Variants in EIF4H observed in about 807,000 individuals in gnomAD.
EIF4H encodes eukaryotic translation initiation factor 4H, also known as Williams-Beuren syndrome chromosome region 1.
EIF4H carries 8 observed loss-of-function variants against 30.6 expected under a neutral mutation model. That is an observed-to-expected ratio of 0.26 (90% confidence interval 0.15 to 0.47). The LOEUF (loss-of-function observed/expected upper bound fraction) is 0.47, where lower values mean the gene tolerates loss of function less well. Among genes scored for constraint, EIF4H ranks in the 20% least tolerant of loss-of-function variants. The pLI is 0.99. For missense variants in EIF4H, 188 were observed against 339.5 expected, an observed-to-expected ratio of 0.55 and a Z score of 3.51; for synonymous variants, 106 against 122.7, an observed-to-expected ratio of 0.86 and a Z score of 0.90.
At chr7:74,188,513 C>T (rs1024443293) in intron 2 of EIF4H, among the ~76,000 whole-genome samples, 1 of 152,004 alleles carries the variant, frequency 6.6e-6, no homozygotes, top group African/African-American at 2.4e-5. Flanking sequence ...TGCCAGCAGT[C>T]GAGAAGGCCT....
chr7:74,185,240 G>A (rs961407349), intron 1 of EIF4H, among the ~76,000 whole-genome samples: 6 of 152,024 alleles, frequency 3.9e-5, no homozygotes, highest in Non-Finnish European at 5.9e-5. Context: ...TGATCCTCCC[G>A]CCTCAGCCTC....
rs1489310879 is a variant in EIF4H, at chr7:74,196,602, G to A, written c.*1294G>A. On this transcript the variant is annotated 3_prime_UTR_variant, in exon 7 of 7. Coordinates refer to ENST00000265753, the MANE Select transcript of EIF4H (RefSeq NM_022170.2). The stretch of plus-strand genomic sequence containing the variant: ...CAAGTCCCAGTCTGTCCTATGGGGA[G>A]CAGTTTGGGGGCGGCCGGCAGCAGG... 1.3e-5 allele frequency: 2 copies of A among 151,810 alleles called. No individual in the cohort carries two copies. Among genetic ancestry groups the A allele is most frequent in the Admixed American group, 1.3e-4 (2 of 15,222 alleles). 9.4% of individuals were successfully genotyped at this position (151,810 alleles called of 1,614,324 possible). A position where few individuals can be genotyped will look rare whatever the true frequency, so the allele number is the denominator to read the frequency against.
rs1445020779 is a variant in EIF4H at position 74,190,316 on chromosome 7, T to G, written c.469+10T>G. ...GATGACTTCAATTCTGGTATCAGTA[T>G]TTAAAGTATCACCACTTAATTTTTC... On this transcript the variant is annotated intron_variant, in intron 5 of 6. Coordinates refer to ENST00000265753, the MANE Select transcript of EIF4H (RefSeq NM_022170.2). 9 of 1,613,446 alleles carry G rather than the reference T, an allele frequency of 5.6e-6. No homozygotes were observed. The highest frequency in any genetic ancestry group is 1.3e-5 in the African/African-American group (1 of 74,934).
intron 1 of EIF4H, among the ~76,000 whole-genome samples, chr7:74,180,808 G>A (rs918222019): frequency 6.6e-6 from 1 of 152,254 alleles, no homozygotes; most frequent in Non-Finnish European, 1.5e-5. Context: ...CTGAGTGGAA[G>A]AAAGGTGTGG....
At position 74,193,949 on chromosome 7, in the gene EIF4H, A is replaced by C. The variant is rs577867302; in HGVS notation, c.470-792A>C. Among the ~76,000 whole-genome samples the C allele has an allele frequency of 1.2e-4, 18 of 152,304 alleles. 1 individual carries two copies. The South Asian group carries it at 3.7e-3, about 32-fold the overall frequency. The stretch of plus-strand genomic sequence containing the variant: ...GTTATACAGTTAAAGTTTAGCTTTC[A>C]CTGAAGTACAAGCCTGAAGGCCCCT... On this transcript the variant is annotated intron_variant, in intron 5 of 6. Coordinates refer to ENST00000265753, the MANE Select transcript of EIF4H (RefSeq NM_022170.2).
chr7:74,183,041 A>AC (rs1800998287), intron 1 of EIF4H, among the ~76,000 whole-genome samples: 1 of 152,150 alleles, frequency 6.6e-6, no homozygotes, highest in Admixed American at 6.6e-5. Flanking sequence ...GAGGGCAGAA[A>AC]CCGAGTCTTA....
At chr7:74,178,989 C>A (rs1288322304) in intron 1 of EIF4H, among the ~76,000 whole-genome samples, 1 of 152,194 alleles carries the variant, frequency 6.6e-6, no homozygotes, top group Admixed American at 6.5e-5. Flanking sequence ...CCGTCACCTC[C>A]CTTTGTTCTG....
At chr7:74,181,385 G>A (rs913751621) in intron 1 of EIF4H, among the ~76,000 whole-genome samples, 3 of 151,824 alleles carry the variant, frequency 2.0e-5, no homozygotes, top group African/African-American at 4.8e-5. Flanking sequence ...TATGGCTACC[G>A]TAGTAGATGT....
At chr7:74,181,480 G>A (rs566641719) in intron 1 of EIF4H, among the ~76,000 whole-genome samples, 37 of 152,170 alleles carry the variant, frequency 2.4e-4, no homozygotes, top group Non-Finnish European at 5.1e-4. Flanking sequence ...TGCCCAGGCT[G>A]GAATGCAGTG....
At chr7:74,175,475 A>T (rs1321886300) in intron 1 of EIF4H, among the ~76,000 whole-genome samples, 1 of 152,140 alleles carries the variant, frequency 6.6e-6, no homozygotes, top group Non-Finnish European at 1.5e-5. Context: ...GTAAAGAATG[A>T]TCACTTTTAA....
At chr7:74,194,916 G>A in intron 6 of EIF4H, 38 bp downstream of exon 6, 2 of 1,564,986 alleles carry the variant, frequency 1.3e-6, no homozygotes, top group Non-Finnish European at 8.7e-7. Context: ...ATCTTGTCCT[G>A]ATGGGATGAT....
Position 74,178,417 on chromosome 7 carries a change from A to G in EIF4H, c.59+3975A>G, listed in dbSNP as rs189241202. 4.3e-3 allele frequency among the ~76,000 whole-genome samples: 650 copies of G among 151,900 alleles called. 2 individuals are homozygous for G. Among genetic ancestry groups the G allele is most frequent in the Middle Eastern group, 6.8e-3 (2 of 292 alleles). ...ATACAAAACGGGTGTGGCGGCACAT[A>G]CCTGTAATCCTAGCTACTTGGGAGG... On this transcript the variant is annotated intron_variant, in intron 1 of 6. Coordinates refer to ENST00000265753, the MANE Select transcript of EIF4H (RefSeq NM_022170.2).
chr7:74,193,229 A>C (rs1801264918), intron 5 of EIF4H, among the ~76,000 whole-genome samples: 1 of 152,220 alleles, frequency 6.6e-6, no homozygotes, highest in South Asian at 2.1e-4. Context: ...AAAAAGCCCA[A>C]AGGGCAAAAC....
At chr7:74,186,064 A>G (rs1424161440) in intron 1 of EIF4H, among the ~76,000 whole-genome samples, 1 of 152,070 alleles carries the variant, frequency 6.6e-6, no homozygotes, top group African/African-American at 2.4e-5. Flanking sequence ...TGTTTGCTGA[A>G]TCCTTGCTGT....
intron 2 of EIF4H, among the ~76,000 whole-genome samples, chr7:74,188,074 GT>G (rs1801127666): frequency 6.6e-6 from 1 of 152,328 alleles, no homozygotes; most frequent in Non-Finnish European, 1.5e-5. Flanking sequence ...CTGTCTGCCA[GT>G]AAAGGAGTTC....
In EIF4H at chr7:74,194,805, C is replaced by T. The variant is rs1554710459; in HGVS notation, c.534C>T (p.Pro178=). The T allele has an allele frequency of 1.2e-6, 2 of 1,605,298 alleles. No individual in the cohort carries two copies. Among genetic ancestry groups the T allele is most frequent in the South Asian group, 1.1e-5 (1 of 90,842 alleles). ...GCCCAGGCGACCGGCGAACAGGCCC[C>T]CCCATGGGCAGCCGCTTCAGAGATG... The part of the protein sequence containing the change: ...GSRPGDRRTG[P]PMGSRFRDGP... Residue 178 remains proline (P), a synonymous_variant, in exon 6 of 7, where the codon CCC becomes CCT. Coordinates refer to ENST00000265753, the MANE Select transcript of EIF4H (RefSeq NM_022170.2).
At chr7:74,182,736 C>T (rs782770634) in intron 1 of EIF4H, among the ~76,000 whole-genome samples, 12 of 152,202 alleles carry the variant, frequency 7.9e-5, no homozygotes, top group Admixed American at 5.2e-4. Flanking sequence ...CATCTACTTA[C>T]TGGATACATC....
chr7:74,182,768 C>T (rs1800991274), intron 1 of EIF4H, among the ~76,000 whole-genome samples: 1 of 152,202 alleles, frequency 6.6e-6, no homozygotes, highest in South Asian at 2.1e-4. Flanking sequence ...AACATCTACT[C>T]TGTACATTGG....
intron 1 of EIF4H, among the ~76,000 whole-genome samples, chr7:74,174,977 C>T (rs1800804188): frequency 6.6e-6 from 1 of 152,216 alleles, no homozygotes; most frequent in Non-Finnish European, 1.5e-5. Context: ...GATTTGGCGG[C>T]TCTGGCCCGG....
Sources: allele counts gnomAD v4.1 joint callset (sites outside exome capture counted in the v4.1 genomes callset), GRCh38; gene constraint gnomAD v4.1.1; transcripts MANE v1.5; gene names NCBI Gene and HGNC (gene_info 2026-07-23, HGNC 2026-07-21).